The following LDLRAD3 variants were observed in gnomAD, a reference collection of about 807,000 sequenced individuals.
The protein encoded by LDLRAD3 is low density lipoprotein receptor class A domain containing 3.
LDLRAD3 carries 20 observed loss-of-function variants against 29.4 expected under a neutral mutation model. That is an observed-to-expected ratio of 0.68 (90% CI 0.48 to 0.99). LDLRAD3 has a LOEUF of 0.99. LDLRAD3 is among the 50% of genes least tolerant of loss of function. The pLI is 0.00. For missense variants in LDLRAD3, 420 were observed against 454.3 expected, an observed-to-expected ratio of 0.92 and a Z score of 0.69; for synonymous variants, 157 against 192.7, an observed-to-expected ratio of 0.81 and a Z score of 1.53.
chr11:36,042,636 A>G (rs889964389), intron 2 of LDLRAD3, among the ~76,000 whole-genome samples: 3 of 152,216 alleles, frequency 2.0e-5, no homozygotes, highest in African/African-American at 4.8e-5. Context: ...GTATTTCAGA[A>G]TGTGACTTTA....
intron 4 of LDLRAD3, among the ~76,000 whole-genome samples, chr11:36,111,832 C>T (rs12225134): frequency 0.034 from 5,231 of 152,262 alleles, 346 homozygotes; most frequent in East Asian, 0.32. Flanking sequence ...CTCTTGACCT[C>T]GTGATCCACC....
chr11:36,213,841 C>T lies in LDLRAD3; in HGVS notation c.455-13244C>T, dbSNP rs1271199368. 1.3e-5 allele frequency among the ~76,000 whole-genome samples: 2 copies of T among 152,128 alleles called. No individual in the cohort carries two copies. Among genetic ancestry groups the T allele is most frequent in the African/African-American group, 4.8e-5 (2 of 41,436 alleles). Reference sequence around the variant, plus strand: ...GTTCTCCCTGCCTCCCTCTCAGCAGCGTTTTCTCTTCTCTGCCATTCAGCA... The same window carrying T: ...GTTCTCCCTGCCTCCCTCTCAGCAGTGTTTTCTCTTCTCTGCCATTCAGCA... On this transcript the variant is annotated intron_variant, in intron 4 of 5. Coordinates refer to ENST00000315571, the MANE Select transcript of LDLRAD3 (RefSeq NM_174902.4). This position sits in a 1 kb window ranked among gnomAD's most constrained non-coding sequence, Gnocchi z 4.1.
chr11:35,968,001 TC>T (rs1224092858), intron 1 of LDLRAD3: 5 of 437,806 alleles, frequency 1.1e-5, no homozygotes, highest in African/African-American at 1.0e-4. Flanking sequence ...AACACTTCTA[TC>T]CAGGCTTTTA....
At chr11:36,123,133 A>C (rs59320853) in intron 4 of LDLRAD3, among the ~76,000 whole-genome samples, 3,964 of 152,220 alleles carry the variant, frequency 0.026, 177 homozygotes, top group African/African-American at 0.088. Context: ...GCTGCAATGA[A>C]CTATGATGGC....
At chr11:35,972,658 G>A (rs1590696356) in intron 1 of LDLRAD3, 1 of 152,318 alleles carries the variant, frequency 6.6e-6, no homozygotes, top group East Asian at 1.9e-4. Flanking sequence ...TGCAGAAACT[G>A]TAGCATACCA....
At position 36,168,655 on chromosome 11, in the gene LDLRAD3, T is replaced by C. The variant is rs553244526; in HGVS notation, c.455-58430T>C. On this transcript the variant is annotated intron_variant, in intron 4 of 5. Coordinates refer to ENST00000315571, the MANE Select transcript of LDLRAD3 (RefSeq NM_174902.4). ...CACAAAGCAAGCAAAGCAGTAAATG[T>C]CACTCATTTCACTTTTTAGCAACAG... Among the ~76,000 whole-genome samples, 6 of 152,302 alleles carry C rather than the reference T, an allele frequency of 3.9e-5. No homozygotes were observed. The East Asian group carries it at 1.2e-3, about 29-fold the overall frequency.
intron 2 of LDLRAD3, among the ~76,000 whole-genome samples, chr11:36,049,037 G>A (rs1170540490): frequency 1.3e-5 from 2 of 152,134 alleles, no homozygotes; most frequent in African/African-American, 4.8e-5. Flanking sequence ...TCTGAGCTGG[G>A]GGGCAAGGGT....
rs960765262 is a variant in LDLRAD3, at chr11:36,200,928, C to T, written c.455-26157C>T. Among the ~76,000 whole-genome samples, 8 of 152,204 alleles carry T rather than the reference C, an allele frequency of 5.3e-5. No homozygotes were observed. The East Asian group carries it at 5.8e-4, about 11-fold the overall frequency. ...GATCAATGTCTCCTTCCTGGTCCCACGCAGAAGGGATCCCCAAAACAGGAT... is the reference window on the plus strand; with the variant it reads ...GATCAATGTCTCCTTCCTGGTCCCATGCAGAAGGGATCCCCAAAACAGGAT... On this transcript the variant is annotated intron_variant, in intron 4 of 5. Transcript: ENST00000315571.
In LDLRAD3 at chr11:35,996,517, G is replaced by A. The variant is rs959757820; in HGVS notation, c.47-39586G>A. ...CCAAAATGTGATACAAACACATGAA[G>A]TGGCACACGAGGTTGGAAAAATAGT... On this transcript the variant is annotated intron_variant, in intron 1 of 5. Transcript: ENST00000315571. Among the ~76,000 whole-genome samples the A allele has an allele frequency of 3.9e-5, 6 of 152,304 alleles. No individual in the cohort carries two copies. The East Asian group carries it at 7.7e-4, about 20-fold the overall frequency.
At chr11:36,176,186 T>C (rs1032881760) in intron 4 of LDLRAD3, among the ~76,000 whole-genome samples, 6 of 152,208 alleles carry the variant, frequency 3.9e-5, no homozygotes, top group African/African-American at 7.2e-5. Flanking sequence ...TTTATGTGAG[T>C]CCTTATGTGT....
chr11:36,119,987 C>A (rs1853730366), intron 4 of LDLRAD3, among the ~76,000 whole-genome samples: 1 of 152,148 alleles, frequency 6.6e-6, no homozygotes, highest in African/African-American at 2.4e-5. Flanking sequence ...GTCTGTGATT[C>A]ATTTTGAGTT....
intron 4 of LDLRAD3, among the ~76,000 whole-genome samples, chr11:36,116,113 C>T (rs927137487): frequency 5.3e-5 from 8 of 152,150 alleles, no homozygotes; most frequent in Admixed American, 2.6e-4. Flanking sequence ...AAAGGCTGTC[C>T]AGCACTTAGC....
chr11:36,019,286 G>T (rs1234853563), intron 1 of LDLRAD3, among the ~76,000 whole-genome samples: 4 of 152,168 alleles, frequency 2.6e-5, no homozygotes, highest in Non-Finnish European at 5.9e-5. Context: ...AAAAACCATG[G>T]TCTCTCATGT....
intron 1 of LDLRAD3, among the ~76,000 whole-genome samples, chr11:35,980,148 G>A (rs532626388): frequency 6.6e-6 from 1 of 152,250 alleles, no homozygotes; most frequent in African/African-American, 2.4e-5. Context: ...GATTATCCAG[G>A]CAATTCAAAG....
chr11:36,098,224 T>C, intron 3 of LDLRAD3, 103 bp from the exon 4 acceptor site: 1 of 1,392,552 alleles, frequency 7.2e-7, no homozygotes, highest in East Asian at 2.3e-5. Flanking sequence ...AAGATAAGCT[T>C]ACTGCTTCCT....
chr11:36,121,739 T>G (rs1853761992), intron 4 of LDLRAD3, among the ~76,000 whole-genome samples: 1 of 152,242 alleles, frequency 6.6e-6, no homozygotes, highest in South Asian at 2.1e-4. Flanking sequence ...GCCTCTGTGC[T>G]TCTCACACAG....
chr11:36,170,946 C>T (rs1854590702), intron 4 of LDLRAD3, among the ~76,000 whole-genome samples: 1 of 152,038 alleles, frequency 6.6e-6, no homozygotes, highest in African/African-American at 2.4e-5. Flanking sequence ...GGACAACAGG[C>T]ACATGCCACC....
intron 2 of LDLRAD3, among the ~76,000 whole-genome samples, chr11:36,065,906 G>C (rs1053418379): frequency 2.6e-5 from 4 of 152,204 alleles, no homozygotes; most frequent in Non-Finnish European, 4.4e-5. Context: ...CATCAGAAAT[G>C]AGCTTCCTCT....
chr11:36,084,326 G>T (rs1486816104), intron 3 of LDLRAD3, among the ~76,000 whole-genome samples: 1 of 152,144 alleles, frequency 6.6e-6, no homozygotes, highest in African/African-American at 2.4e-5. Context: ...TTTAAAAATA[G>T]TGGTTCTGAA....
Sources: gnomAD v4.1 joint callset for allele counts (sites outside exome capture counted in the v4.1 genomes callset) on GRCh38, gnomAD v4.1.1 for gene constraint, Gnocchi (gnomAD v3.1) non-coding constraint, MANE v1.5 for transcripts, NCBI Gene and HGNC (gene_info 2026-07-23, HGNC 2026-07-21) for gene names.